The following FBN1 variants were observed in gnomAD, a reference collection of about 807,000 sequenced individuals.
FBN1 encodes the protein fibrillin-1.
In FBN1, 29 loss-of-function variants were observed where a neutral mutation model predicts 365.1. The observed-to-expected ratio is 0.08, with a 90% confidence interval of 0.06 to 0.11. The LOEUF (loss-of-function observed/expected upper bound fraction) is 0.11, where lower values mean the gene tolerates loss of function less well. Among genes scored for constraint, FBN1 ranks in the 10% least tolerant of loss-of-function variants. The pLI, the probability that FBN1 is intolerant of heterozygous loss-of-function variation, is 1.00. For synonymous variants in FBN1, 1,210 were observed against 1,270.5 expected (o/e 0.95, Z 1.01); for missense variants, 2,476 against 3,703.2 (o/e 0.67, Z 8.60).
chr15:48,415,497 A>G (rs766746069), intron 64 of FBN1, 39 bp downstream of exon 64: 2 of 1,458,628 alleles, frequency 1.4e-6, no homozygotes, highest in Non-Finnish European at 1.9e-6. Flanking sequence ...ATTACGAATG[A>G]AAGAATCTCC....
At chr15:48,447,303 C>A (rs1597534149) in intron 46 of FBN1, among the ~76,000 whole-genome samples, 2 of 152,168 alleles carry the variant, frequency 1.3e-5, no homozygotes, top group African/African-American at 4.8e-5. Flanking sequence ...TTCTAGCTCA[C>A]CTGTCATTTC....
intron 2 of FBN1, among the ~76,000 whole-genome samples, chr15:48,637,879 A>G (rs1011014793): frequency 6.6e-6 from 1 of 152,200 alleles, no homozygotes; most frequent in Non-Finnish European, 1.5e-5. Context: ...TTTCAGTTTT[A>G]TGGGCCATAC....
rs764147338 is a variant in FBN1 at position 48,520,633 on chromosome 15, C to T, written c.1147+26G>A. Reference sequence around the variant, plus strand: ...CTTGTGAGGGCTGGGATGGGATATTCTGCAGATAACTGGAAGGGCTCTTAC... The same window carrying T: ...CTTGTGAGGGCTGGGATGGGATATTTTGCAGATAACTGGAAGGGCTCTTAC... On this transcript the variant is annotated intron_variant, in intron 10 of 65. Transcript: ENST00000316623. The T allele has an allele frequency of 2.5e-6, 4 of 1,613,328 alleles. No homozygotes were observed. In the Admixed American group the frequency reaches 6.7e-5, roughly 27 times the overall value.
At chr15:48,588,002 A>AT (rs2044449890) in intron 6 of FBN1, among the ~76,000 whole-genome samples, 2 of 152,162 alleles carry the variant, frequency 1.3e-5, no homozygotes, top group African/African-American at 4.8e-5. Context: ...CTTTCTGAAG[A>AT]GCTGGAGAAG....
chr15:48,644,503 A>G, intron 2 of FBN1, 103 bp downstream of exon 2: 3 of 1,532,978 alleles, frequency 2.0e-6, no homozygotes, highest in Non-Finnish European at 2.7e-6. Context: ...TGCCCCCAGG[A>G]GGTCTTGCCA....
chr15:48,526,094 A>C, intron 9 of FBN1, 36 bp downstream of exon 9: 1 of 1,613,174 alleles, frequency 6.2e-7, no homozygotes, highest in Non-Finnish European at 8.5e-7. Context: ...GAACTGACTT[A>C]CACAAACCAT....
chr15:48,537,921 G>C, intron 6 of FBN1, 113 bp from the exon 7 acceptor site: 1 of 1,101,874 alleles, frequency 9.1e-7, no homozygotes, highest in Non-Finnish European at 1.4e-6. Flanking sequence ...GAATTTCAGG[G>C]ACAGAATCAT....
Position 48,478,711 on chromosome 15 carries a change from T to A in FBN1, c.3964+2944A>T, listed in dbSNP as rs1359557085. Among the ~76,000 whole-genome samples the A allele has an allele frequency of 3.3e-5, 5 of 152,198 alleles. No homozygotes were observed. The East Asian group carries it at 9.7e-4, about 29-fold the overall frequency. ...GCAAATGTGTTCTCTCTCCATTAAATGGAACATTCCCCCTTGGCAATACCC... is the reference window on the plus strand; with the variant it reads ...GCAAATGTGTTCTCTCTCCATTAAAAGGAACATTCCCCCTTGGCAATACCC... On this transcript the variant is annotated intron_variant, in intron 32 of 65. Coordinates refer to ENST00000316623, the MANE Select transcript of FBN1 (RefSeq NM_000138.5).
intron 4 of FBN1, among the ~76,000 whole-genome samples, chr15:48,600,469 C>T (rs916796673): frequency 1.3e-5 from 2 of 152,154 alleles, no homozygotes; most frequent in East Asian, 3.9e-4. Context: ...TTTGGGAGGC[C>T]AAGGTAGGCG....
chr15:48,634,758 T>C (rs1230746792), intron 2 of FBN1, among the ~76,000 whole-genome samples: 1 of 145,196 alleles, frequency 6.9e-6, no homozygotes, highest in African/African-American at 2.5e-5. Flanking sequence ...GATGAAACAA[T>C]GATGATGAAG....
intron 6 of FBN1, among the ~76,000 whole-genome samples, chr15:48,546,518 C>T (rs1428734163): frequency 6.6e-6 from 1 of 152,044 alleles, no homozygotes; most frequent in Non-Finnish European, 1.5e-5. Flanking sequence ...AAAAGAAAGC[C>T]GCTGTGACCA....
chr15:48,447,722 GC>G (rs1352863428), intron 46 of FBN1, among the ~76,000 whole-genome samples: 2 of 152,276 alleles, frequency 1.3e-5, no homozygotes, highest in East Asian at 3.9e-4. Flanking sequence ...AATGATTAGA[GC>G]TAGGATTCCC....
In FBN1 at chr15:48,470,586, T is replaced by C. The variant is rs757325008; in HGVS notation, c.4459+48A>G. The C allele has an allele frequency of 5.0e-6, 8 of 1,611,894 alleles. 1 individual carries two copies. In the South Asian group the frequency reaches 6.6e-5, roughly 13 times the overall value. Reference sequence around the variant, plus strand: ...TCCCAGGGAGGCTCCAATAGCTGGGTCCCCCGGGACACCAGGGAGCTGATT... The same window carrying C: ...TCCCAGGGAGGCTCCAATAGCTGGGCCCCCCGGGACACCAGGGAGCTGATT... On this transcript the variant is annotated intron_variant, in intron 36 of 65. Coordinates refer to ENST00000316623, the MANE Select transcript of FBN1 (RefSeq NM_000138.5).
chr15:48,604,696 T>A (rs571922559), intron 4 of FBN1, among the ~76,000 whole-genome samples: 1 of 152,200 alleles, frequency 6.6e-6, no homozygotes, highest in Non-Finnish European at 1.5e-5. Flanking sequence ...GTAGATTCCA[T>A]GCATGCTTCT....
chr15:48,607,118 A>G (rs1195165419), intron 4 of FBN1, among the ~76,000 whole-genome samples: 1 of 152,180 alleles, frequency 6.6e-6, no homozygotes, highest in South Asian at 2.1e-4. Context: ...ATAGCAGCAG[A>G]AAACAGACTA....
At chr15:48,572,333 C>A (rs150389789) in intron 6 of FBN1, among the ~76,000 whole-genome samples, 365 of 52,430 alleles carry the variant, frequency 7.0e-3, no homozygotes, top group African/African-American at 0.012. Context: ...AAAAAGAAAT[C>A]ATGTATTATT....
rs555163343 is a variant in FBN1, at chr15:48,645,169, G to C, written c.-181-219C>G. On this transcript the variant is annotated intron_variant, in intron 1 of 65. Transcript: ENST00000316623. ...TCCCTCGGCCTCCCGGGCCCCGCCA[G>C]AAGAGCGCGGCGCAAAGTACCCATA... Among the ~76,000 whole-genome samples the C allele has an allele frequency of 1.6e-4, 25 of 152,352 alleles. No individual in the cohort carries two copies. In the East Asian group the frequency reaches 4.8e-3, roughly 30 times the overall value.
chr15:48,492,384 C>T (rs2043567317), intron 24 of FBN1, 77 bp downstream of exon 24: 1 of 1,440,444 alleles, frequency 6.9e-7, no homozygotes, highest in Admixed American at 1.7e-5. Flanking sequence ...GCTAAGTGCT[C>T]AGCTATATCT....
At chr15:48,454,017 A>G (rs2043221391) in intron 44 of FBN1, among the ~76,000 whole-genome samples, 1 of 152,210 alleles carries the variant, frequency 6.6e-6, no homozygotes, top group African/African-American at 2.4e-5. Context: ...ATAGATTAAT[A>G]TCCTAGGAAG....
Sources: allele counts gnomAD v4.1 joint callset (sites outside exome capture counted in the v4.1 genomes callset), GRCh38; gene constraint gnomAD v4.1.1; transcripts MANE v1.5; gene names NCBI Gene and HGNC (gene_info 2026-07-23, HGNC 2026-07-21).